GTSE1: variants seen among roughly 807,000 people sequenced by gnomAD.
GTSE1 encodes G2 and S-phase expressed 1.
GTSE1 carries 52 observed loss-of-function variants against 60.5 expected under a neutral mutation model. The observed-to-expected ratio is 0.86, with a 90% CI of 0.69 to 1.08. The LOEUF (loss-of-function observed/expected upper bound fraction) is 1.08. GTSE1 is among the 50% of genes least tolerant of loss of function. The probability of loss-of-function intolerance (pLI) is 0.00; values close to 1 mark genes in which losing one functional copy is unlikely to be tolerated. For missense variants in GTSE1, 937 were observed against 961.8 expected, an observed-to-expected ratio of 0.97 and a Z score of 0.34; for synonymous variants, 368 against 386.5, an observed-to-expected ratio of 0.95 and a Z score of 0.56.
chr22:46,316,176 G>A lies in GTSE1; in HGVS notation c.1196G>A (p.Arg399Gln), dbSNP rs760846573. The change falls in exon 7 of 12, where the codon CGG becomes CAG. Residue 399 changes from arginine (R) to glutamine (Q), a missense_variant. Transcript: ENST00000454366. This position sits in a 1 kb window ranked among gnomAD's most constrained non-coding sequence, Gnocchi z 5.0. ...GGGGCATCCTCCTGGCAGGCCAAGCGGGTCGATGTTTCTGAGCTGGCAGCG... is the reference window on the plus strand; with the variant it reads ...GGGGCATCCTCCTGGCAGGCCAAGCAGGTCGATGTTTCTGAGCTGGCAGCG... ...PVGASSWQAK[R>Q]VDVSELAAEQ... is the part of the protein sequence containing the mutation. 28 of 1,613,344 alleles carry A rather than the reference G, an allele frequency of 1.7e-5. No individual in the cohort carries two copies. Among genetic ancestry groups the A allele is most frequent in the East Asian group, 8.9e-5 (4 of 44,890 alleles).
Position 46,313,811 on chromosome 22 carries a change from AC to A in GTSE1, c.928-75del. 6.4e-7 allele frequency: 1 copy of A among 1,554,318 alleles called. No homozygotes were observed. The highest frequency in any genetic ancestry group is 8.8e-7 in the Non-Finnish European group (1 of 1,131,192). On this transcript the variant is annotated intron_variant, in intron 5 of 11. Coordinates refer to ENST00000454366, the MANE Select transcript of GTSE1 (RefSeq NM_016426.7). The surrounding 1 kb of genome is among the most constrained non-coding windows in gnomAD (Gnocchi z 4.4). Reference sequence around the variant, plus strand: ...CGTGAGCCACCGTGCCCAGCCAAAAACCCCTTACTTTTGCAGACACAAGTAA... The same window carrying A: ...CGTGAGCCACCGTGCCCAGCCAAAAACCCTTACTTTTGCAGACACAAGTAA...
At chr22:46,323,505 T>G (rs1402131686) in intron 8 of GTSE1, among the ~76,000 whole-genome samples, 1 of 152,192 alleles carries the variant, frequency 6.6e-6, no homozygotes, top group African/African-American at 2.4e-5. Context: ...GTGGTTGCCA[T>G]GCCAGGCTGC....
In GTSE1 at chr22:46,318,655, C is replaced by G. The variant is rs935165081; in HGVS notation, c.1432+2243C>G. The stretch of plus-strand genomic sequence containing the variant: ...GACTGAGGCAGCCGGTAGGAAAGTG[C>G]AAGGGGGAGCACTCCAGGCAGAGGC... On this transcript the variant is annotated intron_variant, in intron 7 of 11. Coordinates refer to ENST00000454366, the MANE Select transcript of GTSE1 (RefSeq NM_016426.7). The surrounding 1 kb of genome is among the most constrained non-coding windows in gnomAD (Gnocchi z 4.8). Among the ~76,000 whole-genome samples the G allele has an allele frequency of 1.3e-5, 2 of 152,006 alleles. No individual in the cohort carries two copies. The highest frequency in any genetic ancestry group is 2.9e-5 in the Non-Finnish European group (2 of 68,008).
At chr22:46,302,895 CTTTTTTTTT>C (rs34051708) in intron 2 of GTSE1, among the ~76,000 whole-genome samples, 2 of 131,386 alleles carry the variant, frequency 1.5e-5, no homozygotes. Context: ...CACTTTCCCT[CTTTTTTTTT>C]TTTTTTTTTC....
At chr22:46,327,428 C>G (rs1044857602) in intron 9 of GTSE1, 1 of 152,172 alleles carries the variant, frequency 6.6e-6, no homozygotes, top group Non-Finnish European at 1.5e-5. Context: ...AATCCCAGCA[C>G]TTTGGGAGCC....
At chr22:46,301,392 C>G (rs1317566443) in intron 2 of GTSE1, among the ~76,000 whole-genome samples, 1 of 152,094 alleles carries the variant, frequency 6.6e-6, no homozygotes, top group African/African-American at 2.4e-5. Context: ...GAAATTGTCT[C>G]TTTCCCCACA....
At position 46,316,308 on chromosome 22, in the gene GTSE1, T is replaced by A; in HGVS notation, c.1328T>A (p.Leu443Ter). 1 of 1,614,066 alleles carries A rather than the reference T, an allele frequency of 6.2e-7. No individual in the cohort carries two copies. The change falls in exon 7 of 12, where the codon TTG becomes TAG. Residue 443 changes from leucine (L) to a stop codon, truncating the protein, a stop_gained. Coordinates refer to ENST00000454366, the MANE Select transcript of GTSE1 (RefSeq NM_016426.7). LOFTEE classifies it high-confidence loss of function. This position sits in a 1 kb window ranked among gnomAD's most constrained non-coding sequence, Gnocchi z 5.0. The stretch of plus-strand genomic sequence containing the variant: ...TGCGCTTGGTCAGAATCTTCTCAAT[T>A]GAATAAGACTAGAAGTATCAGACGG... ...SSCAWSESSQLNKTRSIRRRD... is the reference protein window; with the variant it reads ...SSCAWSESSQ
intron 9 of GTSE1, 186 bp downstream of exon 9, chr22:46,326,840 G>C (rs893196432): frequency 1.9e-6 from 1 of 522,736 alleles, no homozygotes; most frequent in African/African-American, 2.0e-5. Context: ...GAAAATTAAA[G>C]GTATTACAAG....
intron 9 of GTSE1, chr22:46,326,978 A>C (rs2147834089): frequency 4.6e-6 from 1 of 215,446 alleles, no homozygotes; most frequent in East Asian, 1.5e-4. Flanking sequence ...CGAGGCAGGC[A>C]GACTGCCTGA....
In GTSE1 at chr22:46,308,709, C is replaced by T. The variant is rs888545598; in HGVS notation, c.528C>T (p.Pro176=). 1.2e-6 allele frequency: 2 copies of T among 1,613,620 alleles called. No individual in the cohort carries two copies. Among genetic ancestry groups the T allele is most frequent in the Non-Finnish European group, 1.7e-6 (2 of 1,180,060 alleles). The change falls in exon 4 of 12, where the codon CCC becomes CCT. Residue 176 remains proline, a synonymous_variant. Coordinates refer to ENST00000454366, the MANE Select transcript of GTSE1 (RefSeq NM_016426.7). The part of the protein sequence containing the change: ...YYLSDSPLLG[P]PVGEPRLLAS... The stretch of plus-strand genomic sequence containing the variant: ...TGTCAGACAGCCCCTTGCTGGGGCC[C>T]CCTGTGGGTGAGCCTCGGCTCTTGG...
intron 2 of GTSE1, 48 bp from the exon 3 acceptor site, chr22:46,308,102 T>A: frequency 1.6e-6 from 2 of 1,246,832 alleles, no homozygotes; most frequent in Non-Finnish European, 2.4e-6. Context: ...AATATTTTTC[T>A]CTTTATCAGC....
rs1325601618 is a variant in GTSE1, at chr22:46,297,204, C to T, written c.-21-176C>T. 6.6e-6 allele frequency among the ~76,000 whole-genome samples: 1 copy of T among 152,206 alleles called. No individual in the cohort carries two copies. The highest frequency in any genetic ancestry group is 1.5e-5 in the Non-Finnish European group (1 of 68,026). The stretch of plus-strand genomic sequence containing the variant: ...TTCGGGCTGACTCCCGGCCTGGCGG[C>T]ACTCGGGCCCTGGGGTCCCCTGGGA... On this transcript the variant is annotated intron_variant, in intron 1 of 11. Coordinates refer to ENST00000454366, the MANE Select transcript of GTSE1 (RefSeq NM_016426.7). This position sits in a 1 kb window ranked among gnomAD's most constrained non-coding sequence, Gnocchi z 4.9.
In GTSE1 at chr22:46,308,747, C is replaced by T. The variant is rs760795052; in HGVS notation, c.566C>T (p.Ala189Val). 1 of 1,613,266 alleles carries T rather than the reference C, an allele frequency of 6.2e-7. No individual in the cohort carries two copies. Residue 189 changes from alanine to valine, a missense_variant, in exon 4 of 12, where the codon GCC becomes GTC. Ala to Val is a moderately conservative substitution (Grantham distance 64). Coordinates refer to ENST00000454366, the MANE Select transcript of GTSE1 (RefSeq NM_016426.7). ...GEPRLLASSP[A>V]LPSSGAQARL... is the part of the protein sequence containing the mutation. The stretch of plus-strand genomic sequence containing the variant: ...CCTCGGCTCTTGGCCTCCTCCCCGG[C>T]CCTGCCCAGCTCTGGTGCCCAGGCC...
Position 46,312,233 on chromosome 22 carries a change from G to A in GTSE1, c.855G>A (p.Pro285=), listed in dbSNP as rs749506319. 61 of 1,614,032 alleles carry A rather than the reference G, an allele frequency of 3.8e-5. No individual in the cohort carries two copies. The highest frequency in any genetic ancestry group is 9.3e-5 in the African/African-American group (7 of 74,924). The change falls in exon 5 of 12, where the codon CCG becomes CCA. Residue 285 remains proline (P), a synonymous_variant. Transcript: ENST00000454366. ...HRDVLPDKPA[P]GAVNVPAAGS... is the part of the protein sequence containing the mutation. ...ATGTTCTCCCTGACAAACCTGCCCC[G>A]GGTGCTGTCAATGTGCCGGCCGCCG...
chr22:46,300,345 C>T (rs920774270), intron 2 of GTSE1, among the ~76,000 whole-genome samples: 1 of 152,200 alleles, frequency 6.6e-6, no homozygotes, highest in African/African-American at 2.4e-5. Flanking sequence ...ATCCGCCTGC[C>T]TCAGCCTACC....
chr22:46,326,117 G>A (rs977690629), intron 8 of GTSE1, among the ~76,000 whole-genome samples: 6 of 152,376 alleles, frequency 3.9e-5, no homozygotes, highest in South Asian at 2.1e-4. Flanking sequence ...TCTGAACCTC[G>A]TGTGAAGTGA....
At position 46,297,999 on chromosome 22, in the gene GTSE1, C is replaced by A. The variant is rs768480840; in HGVS notation, c.79+520C>A. ...TTATTTATTGACGGAGTCTCGCTCT[C>A]TCACCCAGGCTGGAGTGCAAAGGCG... On this transcript the variant is annotated intron_variant, in intron 2 of 11. Coordinates refer to ENST00000454366, the MANE Select transcript of GTSE1 (RefSeq NM_016426.7). The surrounding 1 kb of genome is among the most constrained non-coding windows in gnomAD (Gnocchi z 4.9). Among the ~76,000 whole-genome samples the A allele has an allele frequency of 6.6e-6, 1 of 152,062 alleles. No homozygotes were observed. Among genetic ancestry groups the A allele is most frequent in the Non-Finnish European group, 1.5e-5 (1 of 68,034 alleles).
chr22:46,297,237 A>C lies in GTSE1; in HGVS notation c.-21-143A>C. 1.6e-6 allele frequency: 1 copy of C among 620,848 alleles called. No homozygotes were observed. Among genetic ancestry groups the C allele is most frequent in the South Asian group, 1.8e-5 (1 of 54,602 alleles). 38.5% of individuals were successfully genotyped at this position (620,848 alleles called of 1,614,324 possible). A position where few individuals can be genotyped will look rare whatever the true frequency, so the allele number is the denominator to read the frequency against. On this transcript the variant is annotated intron_variant, in intron 1 of 11. Transcript: ENST00000454366. This position sits in a 1 kb window ranked among gnomAD's most constrained non-coding sequence, Gnocchi z 4.9. The stretch of plus-strand genomic sequence containing the variant: ...CCCTGGGGTCCCCTGGGATGCGATC[A>C]TTTCAGAGCGGCCCCCGCGCCGCCT...
rs530717901 is a variant in GTSE1 at position 46,299,206 on chromosome 22, G to A, written c.79+1727G>A. On this transcript the variant is annotated intron_variant, in intron 2 of 11. Coordinates refer to ENST00000454366, the MANE Select transcript of GTSE1 (RefSeq NM_016426.7). ...CTGGCTGGTGTATCTTTTCTCTGTC[G>A]GGGGCTCCCCCTCTGCTGTCTTCTG... is the stretch of plus-strand genomic sequence containing the variant. 2.6e-5 allele frequency among the ~76,000 whole-genome samples: 4 copies of A among 152,226 alleles called. No homozygotes were observed. In the South Asian group the frequency reaches 8.3e-4, roughly 32 times the overall value.
Sources: allele counts gnomAD v4.1 joint callset (sites outside exome capture counted in the v4.1 genomes callset), GRCh38; gene constraint gnomAD v4.1.1; non-coding constraint Gnocchi (gnomAD v3.1); transcripts MANE v1.5; gene names NCBI Gene and HGNC (gene_info 2026-07-23, HGNC 2026-07-21).